POLR2G: variants seen among roughly 807,000 people sequenced by gnomAD.
POLR2G encodes RNA polymerase II subunit G.
POLR2G carries 19 observed loss-of-function variants against 25.7 expected under a neutral mutation model. The observed-to-expected ratio is 0.74, with a 90% confidence interval of 0.52 to 1.08. The LOEUF is 1.08. Among genes scored for constraint, POLR2G ranks in the 50% least tolerant of loss-of-function variants. The pLI is 0.00. For synonymous variants in POLR2G, 79 were observed against 76.0 expected, an observed-to-expected ratio of 1.04 and a Z score of -0.21; for missense variants, 123 against 218.5, an observed-to-expected ratio of 0.56 and a Z score of 2.76.
chr11:62,766,141 C>T (rs2084114905), intron 6 of POLR2G, 102 bp from the exon 7 acceptor site: 5 of 1,009,914 alleles, frequency 5.0e-6, no homozygotes, highest in South Asian at 2.6e-5. Context: ...TGCTCTTCTG[C>T]CAGGAAGAAG....
chr11:62,762,216 C>T lies in POLR2G; in HGVS notation c.122+312C>T, dbSNP rs749558895. Reference sequence around the variant, plus strand: ...TGGGAACAAGATAGAATGAGGACAGCCCCTGTGGAGCTCACAGTGTAATCA... The same window carrying T: ...TGGGAACAAGATAGAATGAGGACAGTCCCTGTGGAGCTCACAGTGTAATCA... On this transcript the variant is annotated intron_variant, in intron 2 of 7. Coordinates refer to ENST00000301788, the MANE Select transcript of POLR2G (RefSeq NM_002696.3). 1.4e-3 allele frequency: 512 copies of T among 367,328 alleles called. 1 individual carries two copies. Among genetic ancestry groups the T allele is most frequent in the Middle Eastern group, 4.2e-3 (5 of 1,182 alleles). 22.8% of individuals were successfully genotyped at this position (367,328 alleles called of 1,614,324 possible). A position where few individuals can be genotyped will look rare whatever the true frequency, so the allele number is the denominator to read the frequency against.
intron 2 of POLR2G, 46 bp downstream of exon 2, chr11:62,761,950 C>A: frequency 1.4e-6 from 2 of 1,380,968 alleles, no homozygotes; most frequent in Non-Finnish European, 2.0e-6. Flanking sequence ...GATGCGCACA[C>A]GGGGCGCTAT....
rs115752998 is a variant in POLR2G at position 62,762,105 on chromosome 11, G to A, written c.122+201G>A. The stretch of plus-strand genomic sequence containing the variant: ...ACAATAAGACTTCCTTCTCTCAGCT[G>A]AGATGGGTCATTCATTGACTCCTCA... On this transcript the variant is annotated intron_variant, in intron 2 of 7. Coordinates refer to ENST00000301788, the MANE Select transcript of POLR2G (RefSeq NM_002696.3). 3,206 of 587,392 alleles carry A rather than the reference G, an allele frequency of 5.5e-3. 64 individuals are homozygous for A. Among genetic ancestry groups the A allele is most frequent in the African/African-American group, 0.05 (2,675 of 53,736 alleles). 36.4% of individuals were successfully genotyped at this position (587,392 alleles called of 1,614,324 possible). A position where few individuals can be genotyped will look rare whatever the true frequency, so the allele number is the denominator to read the frequency against.
intron 6 of POLR2G, among the ~76,000 whole-genome samples, 198 bp from the exon 7 acceptor site, chr11:62,766,045 C>T (rs1437935957): frequency 6.6e-6 from 1 of 152,030 alleles, no homozygotes; most frequent in African/African-American, 2.4e-5. Context: ...ACTCGGCCTC[C>T]CAAAGTGCTG....
At position 62,766,639 on chromosome 11, in the gene POLR2G, C is replaced by T; in HGVS notation, c.*132C>T. ...AACTCATCCCAGAAGGCATCTGGTG[C>T]TTCTTGTAGCTTAACTACTGCCTCC... On this transcript the variant is annotated 3_prime_UTR_variant, in exon 8 of 8. Transcript: ENST00000301788. 1.4e-6 allele frequency: 1 copy of T among 730,076 alleles called. No individual in the cohort carries two copies. The highest frequency in any genetic ancestry group is 1.6e-5 in the South Asian group (1 of 62,198). The allele number at this position is 730,076 out of a possible 1,614,324, so 45.2% of individuals were successfully genotyped here.
In POLR2G at chr11:62,762,884, C is replaced by G. The variant is rs760755159; in HGVS notation, c.140C>G (p.Ala47Gly). The change falls in exon 3 of 8, where the codon GCT becomes GGT. Residue 47 changes from alanine (A) to glycine (G), a missense_variant. Ala to Gly is a moderately conservative substitution (Grantham distance 60). Transcript: ENST00000301788. The stretch of plus-strand genomic sequence containing the variant: ...CCTTGCAGGTATGGCTTTGTAATTG[C>G]TGTCACCACCATTGACAATATTGGT... ...TCTGKYGFVI[A>G]VTTIDNIGAG... The G allele has an allele frequency of 5.6e-6, 9 of 1,595,300 alleles. No individual in the cohort carries two copies. Among genetic ancestry groups the G allele is most frequent in the African/African-American group, 1.3e-5 (1 of 74,444 alleles).
intron 1 of POLR2G, 28 bp from the exon 2 acceptor site, chr11:62,761,767 C>T: frequency 6.2e-7 from 1 of 1,609,626 alleles, no homozygotes; most frequent in African/African-American, 1.3e-5. Context: ...AGCGCCTGGC[C>T]TGGTCGCCAT....
At chr11:62,762,750 C>G in intron 2 of POLR2G, 117 bp from the exon 3 acceptor site, 1 of 734,662 alleles carries the variant, frequency 1.4e-6, no homozygotes, top group Non-Finnish European at 2.4e-6. Context: ...GAGGTGCTAT[C>G]TACTTGTCCT....
intron 3 of POLR2G, among the ~76,000 whole-genome samples, chr11:62,764,188 C>T (rs945711691): frequency 2.0e-5 from 3 of 152,082 alleles, no homozygotes; most frequent in Admixed American, 6.6e-5. Flanking sequence ...AGGCTGGGCG[C>T]GGTGACTCAC....
At chr11:62,764,711 G>A (rs1030717579) in intron 3 of POLR2G, among the ~76,000 whole-genome samples, 1 of 152,096 alleles carries the variant, frequency 6.6e-6, no homozygotes, top group Non-Finnish European at 1.5e-5. Context: ...TGGGAGGATC[G>A]CTTGAGCCCA....
Position 62,763,128 on chromosome 11 carries a change from A to AT in POLR2G, c.282+102_282+103insT. 7 of 412,074 alleles carry AT rather than the reference A, an allele frequency of 1.7e-5. No individual in the cohort carries two copies. The South Asian group carries it at 3.0e-4, about 18-fold the overall frequency. 25.5% of individuals were successfully genotyped at this position (412,074 alleles called of 1,614,324 possible). Reference sequence around the variant, plus strand: ...TCTGTGCCTTTGGCTAAGTCACTTCACTTTTTTTTTTTTTTTTTTTTTTTG... The same window carrying AT: ...TCTGTGCCTTTGGCTAAGTCACTTCATCTTTTTTTTTTTTTTTTTTTTTTTG... On this transcript the variant is annotated intron_variant, in intron 3 of 7. Transcript: ENST00000301788.
rs1420943878 is a variant in POLR2G at position 62,761,811 on chromosome 11, A to G, written c.29A>G (p.Glu10Gly). The change falls in exon 2 of 8, where the codon GAA (glutamate) becomes GGA (glycine). Residue 10 changes from glutamate to glycine, a missense_variant. Transcript: ENST00000301788. MFYHISLEH[E>G]ILLHPRYFGP... ...TCTCCGCAGATCTCCCTAGAGCACG[A>G]AATCCTGCTGCACCCGCGCTACTTC... is the stretch of plus-strand genomic sequence containing the variant. 6.8e-6 allele frequency: 11 copies of G among 1,613,924 alleles called. No homozygotes were observed. The highest frequency in any genetic ancestry group is 8.5e-6 in the Non-Finnish European group (10 of 1,180,000).
chr11:62,762,159 A>G (rs969773484), intron 2 of POLR2G: 3 of 502,170 alleles, frequency 6.0e-6, no homozygotes, highest in African/African-American at 3.8e-5. Flanking sequence ...GGTGTGTGCC[A>G]GGACCCGTGT....
At chr11:62,764,126 T>C (rs904442474) in intron 3 of POLR2G, among the ~76,000 whole-genome samples, 2 of 152,150 alleles carry the variant, frequency 1.3e-5, no homozygotes, top group African/African-American at 4.8e-5. Flanking sequence ...GTTCAAATCT[T>C]GGACTAACAC....
chr11:62,766,639 C>G lies in POLR2G; in HGVS notation c.*132C>G. On this transcript the variant is annotated 3_prime_UTR_variant, in exon 8 of 8. Transcript: ENST00000301788. Reference sequence around the variant, plus strand: ...AACTCATCCCAGAAGGCATCTGGTGCTTCTTGTAGCTTAACTACTGCCTCC... The same window carrying G: ...AACTCATCCCAGAAGGCATCTGGTGGTTCTTGTAGCTTAACTACTGCCTCC... The G allele has an allele frequency of 1.4e-6, 1 of 730,076 alleles. No individual in the cohort carries two copies. The highest frequency in any genetic ancestry group is 1.8e-5 in the African/African-American group (1 of 56,698). 45.2% of individuals were successfully genotyped at this position (730,076 alleles called of 1,614,324 possible).
chr11:62,765,538 C>T lies in POLR2G; in HGVS notation c.400-115C>T, dbSNP rs142300448. ...CTTGATTCATGATTTTATGACTTTA[C>T]GATGGTGTGAAAGTGATGTGCATTC... On this transcript the variant is annotated intron_variant, in intron 5 of 7. Transcript: ENST00000301788. 440 of 1,090,384 alleles carry T rather than the reference C, an allele frequency of 4.0e-4. No homozygotes were observed. In the African/African-American group the frequency reaches 5.8e-3, roughly 14 times the overall value. 67.5% of individuals were successfully genotyped at this position (1,090,384 alleles called of 1,614,324 possible). A position where few individuals can be genotyped will look rare whatever the true frequency, so the allele number is the denominator to read the frequency against.
intron 3 of POLR2G, 103 bp downstream of exon 3, chr11:62,763,129 CT>C (rs149301237): frequency 0.11 from 28,893 of 271,524 alleles, 44 homozygotes; most frequent in Middle Eastern, 0.15. Context: ...AGTCACTTCA[CT>C]TTTTTTTTTT....
chr11:62,765,649 T>C lies in POLR2G; in HGVS notation c.400-4T>C. ...ATCTGTACACTGTTCCCTCCTCTCCTCAGGATATTGTGATTCAGCAGGACG... is the reference window on the plus strand; with the variant it reads ...ATCTGTACACTGTTCCCTCCTCTCCCCAGGATATTGTGATTCAGCAGGACG... On this transcript the variant is annotated splice_polypyrimidine_tract_variant and splice_region_variant and intron_variant, in intron 5 of 7. Coordinates refer to ENST00000301788, the MANE Select transcript of POLR2G (RefSeq NM_002696.3). The C allele has an allele frequency of 6.2e-7, 1 of 1,601,872 alleles. No individual in the cohort carries two copies. The highest frequency in any genetic ancestry group is 1.7e-4 in the Middle Eastern group (1 of 6,036).
intron 3 of POLR2G, 80 bp downstream of exon 3, chr11:62,763,106 G>T: frequency 1.3e-6 from 1 of 751,340 alleles, no homozygotes; most frequent in Non-Finnish European, 2.0e-6. Flanking sequence ...TCATAACTCT[G>T]TGCCTTTGGC....
Sources: gnomAD v4.1 joint callset for allele counts (sites outside exome capture counted in the v4.1 genomes callset) on GRCh38, gnomAD v4.1.1 for gene constraint, MANE v1.5 for transcripts, NCBI Gene and HGNC (gene_info 2026-07-23, HGNC 2026-07-21) for gene names.